The following ZNF471 variants were observed in gnomAD, a reference collection of about 807,000 sequenced individuals.
ZNF471 encodes EZFIT-related protein 1.
A neutral mutation model predicts 13.7 loss-of-function variants in ZNF471; 7 were observed. That is an observed-to-expected ratio of 0.51 (90% CI 0.29 to 0.96). The LOEUF is 0.96. Among genes scored for constraint, ZNF471 ranks in the 40% least tolerant of loss-of-function variants. The probability of loss-of-function intolerance (pLI) is 0.08; values close to 1 mark genes in which losing one functional copy is unlikely to be tolerated. For synonymous variants in ZNF471, 218 were observed against 235.6 expected (o/e 0.93, Z 0.68); for missense variants, 663 against 743.3 (o/e 0.89, Z 1.26).
chr19:56,511,677 T>C, intron 2 of ZNF471, 73 bp downstream of exon 2: 1 of 1,286,432 alleles, frequency 7.8e-7, no homozygotes, highest in East Asian at 2.3e-5. Flanking sequence ...GCTTCTTTTC[T>C]TTTGAAAATT....
At position 56,508,253 on chromosome 19, in the gene ZNF471, GACA is replaced by G. The variant is rs2043761015; in HGVS notation, c.-56+334_-56+336del. 6.0e-5 allele frequency: 31 copies of G among 517,074 alleles called. No homozygotes were observed. The highest frequency in any genetic ancestry group is 1.6e-4 in the East Asian group (1 of 6,336). The allele number at this position is 517,074 out of a possible 1,614,324, so 32.0% of individuals were successfully genotyped here. A position where few individuals can be genotyped will look rare whatever the true frequency, so the allele number is the denominator to read the frequency against. On this transcript the variant is annotated intron_variant, in intron 1 of 4. Coordinates refer to ENST00000308031, the MANE Select transcript of ZNF471 (RefSeq NM_020813.4). This position sits in a 1 kb window ranked among gnomAD's most constrained non-coding sequence, Gnocchi z 4.7. ...TCTGTGTGTGTGTGTGTGTGTGTGT[GACA>G]GACCGAGAGTCCAGTGTGAGACCAG...
chr19:56,524,590 G>C lies in ZNF471; in HGVS notation c.523G>C (p.Glu175Gln). The change falls in exon 5 of 5, where the codon GAG becomes CAG. Residue 175 changes from glutamate to glutamine, a missense_variant. Coordinates refer to ENST00000308031, the MANE Select transcript of ZNF471 (RefSeq NM_020813.4). The surrounding 1 kb of genome is among the most constrained non-coding windows in gnomAD (Gnocchi z 4.8). ...GKCIHLENIE[E>Q]SIYNHTSDKK... is the part of the protein sequence containing the mutation. ...ATGTATCCATCTGGAAAACATAGAA[G>C]AGAGTATTTATAATCACACATCAGA... 2 of 1,595,436 alleles carry C rather than the reference G, an allele frequency of 1.3e-6. No individual in the cohort carries two copies. Among genetic ancestry groups the C allele is most frequent in the Non-Finnish European group, 1.7e-6 (2 of 1,175,192 alleles).
chr19:56,524,593 AG>A lies in ZNF471; in HGVS notation c.527del (p.Ser176IlefsTer18), dbSNP rs748570463. On this transcript the variant is annotated frameshift_variant, in exon 5 of 5. Transcript: ENST00000308031. LOFTEE classifies it low-confidence loss of function (END_TRUNC). The surrounding 1 kb of genome is among the most constrained non-coding windows in gnomAD (Gnocchi z 4.8). The stretch of plus-strand genomic sequence containing the variant: ...TATCCATCTGGAAAACATAGAAGAG[AG>A]TATTTATAATCACACATCAGATAAA... Reference protein sequence around the residue: ...KCIHLENIEESIYNHTSDKKS... With the variant: ...KCIHLENIEEXIYNHTSDKKS... 1.6e-5 allele frequency: 26 copies of A among 1,593,456 alleles called. No individual in the cohort carries two copies. In the Middle Eastern group the frequency reaches 5.1e-4, roughly 31 times the overall value.
rs2147896860 is a variant in ZNF471, at chr19:56,508,240, TG to T, written c.-56+321del. 7 of 915,726 alleles carry T rather than the reference TG, an allele frequency of 7.6e-6. No individual in the cohort carries two copies. In the South Asian group the frequency reaches 3.5e-4, roughly 46 times the overall value. 56.7% of individuals were successfully genotyped at this position (915,726 alleles called of 1,614,324 possible). On this transcript the variant is annotated intron_variant, in intron 1 of 4. Coordinates refer to ENST00000308031, the MANE Select transcript of ZNF471 (RefSeq NM_020813.4). The surrounding 1 kb of genome is among the most constrained non-coding windows in gnomAD (Gnocchi z 4.7). Reference sequence around the variant, plus strand: ...AGAGGGTGTGGTTTCTGTGTGTGTGTGTGTGTGTGTGTGACAGACCGAGAGT... The same window carrying T: ...AGAGGGTGTGGTTTCTGTGTGTGTGTTGTGTGTGTGTGACAGACCGAGAGT...
At position 56,524,316 on chromosome 19, in the gene ZNF471, T is replaced by C. The variant is rs201407695; in HGVS notation, c.257-8T>C. 15 of 1,502,392 alleles carry C rather than the reference T, an allele frequency of 1.0e-5. No homozygotes were observed. Among genetic ancestry groups the C allele is most frequent in the South Asian group, 9.7e-5 (7 of 72,002 alleles). The allele number at this position is 1,502,392 out of a possible 1,614,324, so 93.1% of individuals were successfully genotyped here. A position where few individuals can be genotyped will look rare whatever the true frequency, so the allele number is the denominator to read the frequency against. ...AGGGAACATTCACTTTTTTTTAATATCTTTCAGATTGGGAATCTATATATG... is the reference window on the plus strand; with the variant it reads ...AGGGAACATTCACTTTTTTTTAATACCTTTCAGATTGGGAATCTATATATG... On this transcript the variant is annotated splice_region_variant and splice_polypyrimidine_tract_variant and intron_variant, in intron 4 of 4. Transcript: ENST00000308031. The surrounding 1 kb of genome is among the most constrained non-coding windows in gnomAD (Gnocchi z 4.8).
In ZNF471 at chr19:56,525,856, A is replaced by T; in HGVS notation, c.1789A>T (p.Arg597Trp). 1 of 1,608,724 alleles carries T rather than the reference A, an allele frequency of 6.2e-7. No homozygotes were observed. The highest frequency in any genetic ancestry group is 8.5e-7 in the Non-Finnish European group (1 of 1,178,602). Residue 597 changes from arginine (R) to tryptophan (W), a missense_variant, in exon 5 of 5, where the codon AGG (arginine) becomes TGG (tryptophan). Coordinates refer to ENST00000308031, the MANE Select transcript of ZNF471 (RefSeq NM_020813.4). ...AQHQRLHTGQ[R>W]PYQCFECGKA... ...GCATCAAAGACTCCACACTGGCCAA[A>T]GGCCCTATCAGTGTTTTGAATGTGG...
In ZNF471 at chr19:56,524,935, T is replaced by G; in HGVS notation, c.868T>G (p.Tyr290Asp). 6.2e-7 allele frequency: 1 copy of G among 1,613,954 alleles called. No homozygotes were observed. The highest frequency in any genetic ancestry group is 8.5e-7 in the Non-Finnish European group (1 of 1,179,980). ...HQRIHTGEKP[Y>D]KCKECRKAFR... The stretch of plus-strand genomic sequence containing the variant: ...AAGAATTCATACTGGAGAAAAACCA[T>G]ATAAATGTAAGGAATGCAGAAAAGC... Residue 290 changes from tyrosine to aspartate, a missense_variant, in exon 5 of 5, where the codon TAT becomes GAT. Coordinates refer to ENST00000308031, the MANE Select transcript of ZNF471 (RefSeq NM_020813.4). This position sits in a 1 kb window ranked among gnomAD's most constrained non-coding sequence, Gnocchi z 4.8.
rs1198487079 is a variant in ZNF471 at position 56,507,893 on chromosome 19, AG to A, written c.-82del. 31 of 985,392 alleles carry A rather than the reference AG, an allele frequency of 3.1e-5. No homozygotes were observed. Among genetic ancestry groups the A allele is most frequent in the Non-Finnish European group, 3.6e-5 (30 of 830,036 alleles). The allele number at this position is 985,392 out of a possible 1,614,324, so 61.0% of individuals were successfully genotyped here. ...CGACTCACGGAGTCCTTCGGATGAG[AG>A]CGTCTGGGTGCCAGACGAGGCCGGG... On this transcript the variant is annotated 5_prime_UTR_variant, in exon 1 of 5. Coordinates refer to ENST00000308031, the MANE Select transcript of ZNF471 (RefSeq NM_020813.4).
chr19:56,511,012 A>G (rs2043802613), intron 1 of ZNF471: 2 of 985,244 alleles, frequency 2.0e-6, no homozygotes, highest in South Asian at 4.7e-5. Context: ...TGGGTCAGGG[A>G]TGCAGTGGTG....
intron 2 of ZNF471, among the ~76,000 whole-genome samples, chr19:56,512,612 G>C (rs1468215765): frequency 6.9e-6 from 1 of 143,892 alleles, no homozygotes; most frequent in Non-Finnish European, 1.6e-5. Flanking sequence ...CCTATATCAT[G>C]CACTAAATTC....
At chr19:56,513,920 A>T (rs996565869) in intron 2 of ZNF471, among the ~76,000 whole-genome samples, 10 of 152,026 alleles carry the variant, frequency 6.6e-5, no homozygotes, top group African/African-American at 2.4e-4. Flanking sequence ...GAGAAATCTT[A>T]TACCACACCA....
intron 4 of ZNF471, among the ~76,000 whole-genome samples, chr19:56,521,506 G>A (rs1490968158): frequency 6.6e-6 from 1 of 151,994 alleles, no homozygotes; most frequent in Non-Finnish European, 1.5e-5. Context: ...GGGCATGGTG[G>A]CATGTGCCTG....
intron 1 of ZNF471, chr19:56,509,968 AT>A: frequency 5.1e-6 from 5 of 985,542 alleles, no homozygotes; most frequent in Non-Finnish European, 6.0e-6. Context: ...TCTGAGAAAG[AT>A]CATGTGTGTG....
At position 56,524,398 on chromosome 19, in the gene ZNF471, AT is replaced by A. The variant is rs779767647; in HGVS notation, c.333del (p.Thr112LeufsTer35). 1.2e-6 allele frequency: 2 copies of A among 1,612,544 alleles called. No individual in the cohort carries two copies. Among genetic ancestry groups the A allele is most frequent in the African/African-American group, 2.7e-5 (2 of 74,798 alleles). On this transcript the variant is annotated frameshift_variant, in exon 5 of 5. Coordinates refer to ENST00000308031, the MANE Select transcript of ZNF471 (RefSeq NM_020813.4). LOFTEE classifies it low-confidence loss of function (END_TRUNC). The surrounding 1 kb of genome is among the most constrained non-coding windows in gnomAD (Gnocchi z 4.8). ...FMYDDACMEGITSYGLECSTF... is the reference protein window; with the variant it reads ...FMYDDACMEGXTSYGLECSTF... Reference sequence around the variant, plus strand: ...GTATGATGATGCATGCATGGAGGGAATTACTAGCTATGGACTTGAGTGTTCC... The same window carrying A: ...GTATGATGATGCATGCATGGAGGGAATACTAGCTATGGACTTGAGTGTTCC...
intron 4 of ZNF471, among the ~76,000 whole-genome samples, chr19:56,521,702 G>A (rs536142093): frequency 6.7e-6 from 1 of 149,288 alleles, no homozygotes; most frequent in South Asian, 2.1e-4. Flanking sequence ...TATAATCGCA[G>A]CACTTTGAGA....
rs772083089 is a variant in ZNF471, at chr19:56,526,210, G to A, written c.*262G>A. ...TGGTTAGACAGTGGGTGCAGCCCAC[G>A]GAGGGTGAGCTGAAGCAGGGTGGGG... On this transcript the variant is annotated 3_prime_UTR_variant, in exon 5 of 5. Transcript: ENST00000308031. 1.1e-5 allele frequency: 4 copies of A among 367,470 alleles called. No individual in the cohort carries two copies. Among genetic ancestry groups the A allele is most frequent in the African/African-American group, 2.1e-5 (1 of 48,416 alleles). 22.8% of individuals were successfully genotyped at this position (367,470 alleles called of 1,614,324 possible). A position where few individuals can be genotyped will look rare whatever the true frequency, so the allele number is the denominator to read the frequency against.
At position 56,525,808 on chromosome 19, in the gene ZNF471, A is replaced by C. The variant is rs774368215; in HGVS notation, c.1741A>C (p.Ser581Arg). The change falls in exon 5 of 5, where the codon AGT becomes CGT. Residue 581 changes from serine to arginine, a missense_variant. Physicochemically the swap from Ser to Arg is moderately radical, Grantham distance 110. Coordinates refer to ENST00000308031, the MANE Select transcript of ZNF471 (RefSeq NM_020813.4). ...ATGTACTGAATGTGGAAAGGCTTTT[A>C]GTGATAGCTCATCCTGTGCTCAGCA... ...YKCTECGKAF[S>R]DSSSCAQHQR... 6 of 1,614,112 alleles carry C rather than the reference A, an allele frequency of 3.7e-6. No individual in the cohort carries two copies. The African/African-American group carries it at 8.0e-5, about 22-fold the overall frequency.
chr19:56,525,204 T>G lies in ZNF471; in HGVS notation c.1137T>G (p.Asp379Glu). ...HTGEKPFNCI[D>E]CGKAFSVHIG... ...GAGAGAAGCCTTTTAATTGCATTGA[T>G]TGTGGGAAAGCCTTCAGTGTTCACA... is the stretch of plus-strand genomic sequence containing the variant. The change falls in exon 5 of 5, where the codon GAT (aspartate) becomes GAG (glutamate). Residue 379 changes from aspartate (D) to glutamate (E), a missense_variant. Coordinates refer to ENST00000308031, the MANE Select transcript of ZNF471 (RefSeq NM_020813.4). 2 of 1,613,534 alleles carry G rather than the reference T, an allele frequency of 1.2e-6. No individual in the cohort carries two copies. Among genetic ancestry groups the G allele is most frequent in the Non-Finnish European group, 1.7e-6 (2 of 1,179,836 alleles).
intron 4 of ZNF471, among the ~76,000 whole-genome samples, chr19:56,520,017 C>T (rs762405523): frequency 1.3e-5 from 2 of 152,074 alleles, no homozygotes; most frequent in African/African-American, 4.8e-5. Context: ...GGGTTTCTGG[C>T]GTCCACTGGG....
Sources: gnomAD v4.1 joint callset for allele counts (sites outside exome capture counted in the v4.1 genomes callset) on GRCh38, gnomAD v4.1.1 for gene constraint, Gnocchi (gnomAD v3.1) non-coding constraint, MANE v1.5 for transcripts, NCBI Gene and HGNC (gene_info 2026-07-23, HGNC 2026-07-21) for gene names.